The following ACOT11 variants were observed in gnomAD, a reference collection of about 807,000 sequenced individuals.
The protein encoded by ACOT11 is acyl-coenzyme A thioesterase 11.
A neutral mutation model predicts 77.5 loss-of-function variants in ACOT11; 69 were observed. The ratio of observed to expected loss-of-function variants is 0.89; its 90% CI spans 0.73 to 1.09. The LOEUF is 1.09. ACOT11 is among the 50% of genes least tolerant of loss of function. The probability of loss-of-function intolerance (pLI) is 0.00; values close to 1 mark genes in which losing one functional copy is unlikely to be tolerated. For synonymous variants in ACOT11, 279 were observed against 313.0 expected (o/e 0.89, Z 1.15); for missense variants, 766 against 813.7 (o/e 0.94, Z 0.71).
In ACOT11 at chr1:54,584,760, G is replaced by A. The variant is rs757934768; in HGVS notation, c.139G>A (p.Val47Met). The A allele has an allele frequency of 6.2e-7, 1 of 1,614,116 alleles. No homozygotes were observed. The highest frequency in any genetic ancestry group is 1.1e-5 in the South Asian group (1 of 91,088). Residue 47 changes from valine to methionine, a missense_variant, in exon 2 of 16, where the codon GTG (valine) becomes ATG (methionine). Physicochemically the swap from Val to Met is conservative, Grantham distance 21. Transcript: ENST00000343744. The surrounding 1 kb of genome is among the most constrained non-coding windows in gnomAD (Gnocchi z 6.3). The stretch of plus-strand genomic sequence containing the variant: ...CGAGGGATACCGGAACCCCACGGAG[G>A]TGCAGATGAGCCAGCTGGTGCTGCC... ...DGEGYRNPTE[V>M]QMSQLVLPCH...
chr1:54,623,311 C>T (rs145547430), intron 15 of ACOT11: 220 of 1,613,888 alleles, frequency 1.4e-4, no homozygotes, highest in Non-Finnish European at 1.7e-4. Flanking sequence ...AGGACTATTG[C>T]GGCAATGACC....
chr1:54,580,820 A>T (rs1307389470), intron 1 of ACOT11, among the ~76,000 whole-genome samples: 1 of 152,132 alleles, frequency 6.6e-6, no homozygotes, highest in Non-Finnish European at 1.5e-5. Flanking sequence ...CTCCCTGGGG[A>T]AGAGAGATGC....
intron 1 of ACOT11, chr1:54,573,044 G>A: frequency 1.0e-6 from 1 of 985,468 alleles, no homozygotes; most frequent in Non-Finnish European, 1.2e-6. Flanking sequence ...CTGGAAAAGG[G>A]TACTGACACC....
chr1:54,605,491 A>G (rs1208964912), intron 13 of ACOT11, among the ~76,000 whole-genome samples: 1 of 152,118 alleles, frequency 6.6e-6, no homozygotes, highest in African/African-American at 2.4e-5. Flanking sequence ...TTCTGGCCTC[A>G]GTTTCTCTCT....
exon 17 of ACOT11, chr1:54,636,435 A>G (rs1644330999): frequency 6.6e-6 from 1 of 152,244 alleles, no homozygotes; most frequent in South Asian, 2.1e-4. Flanking sequence ...ACACATAAAC[A>G]TCTCAATGCC....
At chr1:54,550,558 C>T (rs566689182) in intron 1 of ACOT11, among the ~76,000 whole-genome samples, 13 of 152,266 alleles carry the variant, frequency 8.5e-5, no homozygotes, top group Middle Eastern at 3.4e-3. Flanking sequence ...TCACACCTGT[C>T]ATCCTAGCAC....
At chr1:54,566,166 TGA>T (rs1443261407) in intron 1 of ACOT11, among the ~76,000 whole-genome samples, 2 of 152,000 alleles carry the variant, frequency 1.3e-5, no homozygotes, top group African/African-American at 4.8e-5. Context: ...TCTAAATAGC[TGA>T]GTGTGAGGGC....
chr1:54,588,438 G>A (rs1654583077), intron 3 of ACOT11, among the ~76,000 whole-genome samples: 1 of 152,192 alleles, frequency 6.6e-6, no homozygotes, highest in Non-Finnish European at 1.5e-5. Flanking sequence ...GGAAACTGAG[G>A]CACAGAGAAA....
chr1:54,595,544 C>T (rs1654870447), intron 6 of ACOT11, among the ~76,000 whole-genome samples: 1 of 152,186 alleles, frequency 6.6e-6, no homozygotes. Context: ...TACTATTACC[C>T]ATTTTAGGGT....
At chr1:54,586,874 A>G (rs970135714) in intron 3 of ACOT11, among the ~76,000 whole-genome samples, 9 of 152,152 alleles carry the variant, frequency 5.9e-5, no homozygotes, top group Non-Finnish European at 2.9e-5. Flanking sequence ...TCAGCCCAGG[A>G]CAGGCTGCAG....
At chr1:54,556,086 A>G (rs1039320942) in intron 1 of ACOT11, among the ~76,000 whole-genome samples, 10 of 151,898 alleles carry the variant, frequency 6.6e-5, no homozygotes, top group African/African-American at 2.4e-4. Flanking sequence ...GATTGATTTC[A>G]TTTTTCTACA....
At chr1:54,608,124 G>T (rs1030863182) in intron 15 of ACOT11, 56 bp downstream of exon 15, 80 of 1,565,010 alleles carry the variant, frequency 5.1e-5, no homozygotes, top group Admixed American at 7.2e-5. Flanking sequence ...AACACCACAC[G>T]TGTATTGAGC....
At chr1:54,633,730 G>A (rs1206985694) in intron 16 of ACOT11, among the ~76,000 whole-genome samples, 4 of 152,148 alleles carry the variant, frequency 2.6e-5, no homozygotes, top group African/African-American at 4.8e-5. Context: ...AATTACTAGG[G>A]GATATTAATT....
chr1:54,558,688 A>C (rs1653356388), intron 1 of ACOT11, among the ~76,000 whole-genome samples: 1 of 152,206 alleles, frequency 6.6e-6, no homozygotes, highest in Non-Finnish European at 1.5e-5. Context: ...GGGGCCCAGC[A>C]GCCCCTGCTG....
intron 8 of ACOT11, 122 bp from the exon 9 acceptor site, chr1:54,601,127 ATGTGTGTGCATACGTGTGTG>A: frequency 1.3e-6 from 1 of 772,128 alleles, no homozygotes; most frequent in Non-Finnish European, 1.9e-6. Context: ...ATGTGTGTGT[ATGTGTGTGCATACGTGTGTG>A]TGTGTGCATG....
At chr1:54,566,328 G>A (rs1273556181) in intron 1 of ACOT11, among the ~76,000 whole-genome samples, 2 of 151,946 alleles carry the variant, frequency 1.3e-5, no homozygotes, top group African/African-American at 2.4e-5. Flanking sequence ...ATGGTGGCGC[G>A]TTCCTGTAAT....
chr1:54,616,040 A>G, intron 15 of ACOT11: 1 of 1,614,002 alleles, frequency 6.2e-7, no homozygotes, highest in Non-Finnish European at 8.5e-7. Context: ...AGAGCCCAGC[A>G]CAGCGTCCAG....
At chr1:54,617,088 TC>T (rs2101021332) in intron 15 of ACOT11, among the ~76,000 whole-genome samples, 1 of 152,344 alleles carries the variant, frequency 6.6e-6, no homozygotes, top group Non-Finnish European at 1.5e-5. Context: ...AGGTTGCCCA[TC>T]TCACCACATC....
intron 1 of ACOT11, among the ~76,000 whole-genome samples, chr1:54,567,307 C>G (rs1653768825): frequency 7.1e-6 from 1 of 141,402 alleles, no homozygotes; most frequent in Non-Finnish European, 1.5e-5. Flanking sequence ...GAGATGCAGT[C>G]TCACTCTGTC....
Sources: allele counts gnomAD v4.1 joint callset (sites outside exome capture counted in the v4.1 genomes callset), GRCh38; gene constraint gnomAD v4.1.1; non-coding constraint Gnocchi (gnomAD v3.1); transcripts MANE v1.5; gene names NCBI Gene and HGNC (gene_info 2026-07-23, HGNC 2026-07-21).